The following MYO1E variants were observed in gnomAD, a reference collection of about 807,000 sequenced individuals.
MYO1E encodes the protein myosin IE, also known as unconventional myosin-Ie.
A neutral mutation model predicts 151.1 loss-of-function variants in MYO1E; 68 were observed. The ratio of observed to expected loss-of-function variants is 0.45; its 90% CI spans 0.37 to 0.55. The LOEUF is 0.55. Among genes scored for constraint, MYO1E ranks in the 20% least tolerant of loss-of-function variants. The probability of loss-of-function intolerance (pLI) is 0.00; values close to 1 mark genes in which losing one functional copy is unlikely to be tolerated. For synonymous variants in MYO1E, 601 were observed against 501.7 expected (o/e 1.20, Z -2.64); for missense variants, 1,363 against 1,389.3 (o/e 0.98, Z 0.30).
chr15:59,262,614 G>A (rs140302369), intron 2 of MYO1E, among the ~76,000 whole-genome samples: 43 of 152,240 alleles, frequency 2.8e-4, no homozygotes, highest in South Asian at 4.2e-4. Context: ...TCACGTCACC[G>A]CATTCCAGCC....
At chr15:59,281,141 A>G (rs1234346721) in intron 1 of MYO1E, among the ~76,000 whole-genome samples, 2 of 152,206 alleles carry the variant, frequency 1.3e-5, no homozygotes, top group Non-Finnish European at 1.5e-5. Flanking sequence ...TATCTCTTTC[A>G]GCCTACAGGT....
intron 1 of MYO1E, among the ~76,000 whole-genome samples, chr15:59,311,144 G>A (rs944147588): frequency 4.6e-5 from 7 of 152,038 alleles, no homozygotes; most frequent in Non-Finnish European, 7.4e-5. Context: ...CCATCATAAC[G>A]AGCAAAACCA....
chr15:59,152,628 T>C (rs1293356437), intron 26 of MYO1E, among the ~76,000 whole-genome samples: 1 of 152,212 alleles, frequency 6.6e-6, no homozygotes, highest in Non-Finnish European at 1.5e-5. Flanking sequence ...CCAAGTACCA[T>C]GCTAGAGATT....
chr15:59,296,839 C>CTTT (rs10717328), intron 1 of MYO1E, among the ~76,000 whole-genome samples: 3 of 125,524 alleles, frequency 2.4e-5, no homozygotes, highest in Non-Finnish European at 3.3e-5. Context: ...ATACTTTTTT[C>CTTT]TTTTTTTTTT....
At chr15:59,261,287 CAAT>C (rs1407157960) in intron 3 of MYO1E, 130 bp downstream of exon 3, 81 of 453,828 alleles carry the variant, frequency 1.8e-4, no homozygotes, top group Non-Finnish European at 1.6e-5. Context: ...AAAAATCAAA[CAAT>C]GTCACTCAAG....
chr15:59,255,686 C>T (rs937212536), intron 4 of MYO1E, among the ~76,000 whole-genome samples: 7 of 152,104 alleles, frequency 4.6e-5, no homozygotes, highest in African/African-American at 1.2e-4. Flanking sequence ...CTAACACAAA[C>T]GATAGCTGAA....
intron 3 of MYO1E, 136 bp downstream of exon 3, chr15:59,261,284 A>G: frequency 2.2e-6 from 1 of 446,786 alleles, no homozygotes; most frequent in South Asian, 5.2e-5. Flanking sequence ...ATTAAAAATC[A>G]AACAATGTCA....
In MYO1E at chr15:59,224,457, T is replaced by C. The variant is rs534434050; in HGVS notation, c.777+232A>G. 4.6e-5 allele frequency among the ~76,000 whole-genome samples: 7 copies of C among 152,342 alleles called. No individual in the cohort carries two copies. The South Asian group carries it at 1.4e-3, about 32-fold the overall frequency. On this transcript the variant is annotated intron_variant, in intron 8 of 27. Transcript: ENST00000288235. The stretch of plus-strand genomic sequence containing the variant: ...ATTTATCAGAGCTCCTGCAGGGTGA[T>C]AATGATGAATTCATTTCTTTTTACC...
At chr15:59,329,116 G>C (rs2080683740) in intron 1 of MYO1E, among the ~76,000 whole-genome samples, 2 of 152,148 alleles carry the variant, frequency 1.3e-5, no homozygotes, top group Admixed American at 1.3e-4. Flanking sequence ...AATTAACATT[G>C]ACTGAATGCT....
At chr15:59,332,714 AT>A (rs1279082983) in intron 1 of MYO1E, among the ~76,000 whole-genome samples, 50 of 147,030 alleles carry the variant, frequency 3.4e-4, no homozygotes, top group Non-Finnish European at 3.8e-4. Context: ...CTGGCGCTCT[AT>A]TTTTTTTTTT....
rs118148394 is a variant in MYO1E at position 59,300,366 on chromosome 15, C to T, written c.4-27917G>A. On this transcript the variant is annotated intron_variant, in intron 1 of 27. Transcript: ENST00000288235. ...TCTGGTGCACACAGGCACACACACA[C>T]GGCCATTTCTGGTGTGCACACACAC... 1.7e-3 allele frequency among the ~76,000 whole-genome samples: 252 copies of T among 152,216 alleles called. 1 individual carries two copies. The highest frequency in any genetic ancestry group is 6.9e-3 in the Admixed American group (105 of 15,288).
At chr15:59,221,645 A>G (rs1165328059) in intron 9 of MYO1E, among the ~76,000 whole-genome samples, 1 of 152,110 alleles carries the variant, frequency 6.6e-6, no homozygotes, top group African/African-American at 2.4e-5. Context: ...TCCAATCTCC[A>G]TGCCTCCATC....
At position 59,230,093 on chromosome 15, in the gene MYO1E, C is replaced by T. The variant is rs188989023; in HGVS notation, c.510+1609G>A. Among the ~76,000 whole-genome samples the T allele has an allele frequency of 6.6e-5, 10 of 152,146 alleles. No homozygotes were observed. The East Asian group carries it at 7.7e-4, about 12-fold the overall frequency. ...GAATGTGTCAGTTCTCAACCAATAG[C>T]GTGTTTTCTCGATTATTATCAATCA... is the stretch of plus-strand genomic sequence containing the variant. On this transcript the variant is annotated intron_variant, in intron 6 of 27. Coordinates refer to ENST00000288235, the MANE Select transcript of MYO1E (RefSeq NM_004998.4).
At chr15:59,238,699 G>A (rs1298337386) in intron 4 of MYO1E, among the ~76,000 whole-genome samples, 1 of 151,898 alleles carries the variant, frequency 6.6e-6, no homozygotes, top group African/African-American at 2.4e-5. Context: ...AGCCTCCCAA[G>A]TATCTGGGAT....
At chr15:59,142,228 A>G (rs1488092749) in intron 26 of MYO1E, among the ~76,000 whole-genome samples, 1 of 152,206 alleles carries the variant, frequency 6.6e-6, no homozygotes, top group Non-Finnish European at 1.5e-5. Flanking sequence ...ACCCATGGGC[A>G]CAGCGGGCCA....
intron 18 of MYO1E, among the ~76,000 whole-genome samples, chr15:59,179,475 T>C (rs186495170): frequency 1.3e-4 from 20 of 152,284 alleles, no homozygotes; most frequent in Non-Finnish European, 2.9e-4. Context: ...ACAGCAGTCA[T>C]AATGAACATT....
chr15:59,359,018 G>A (rs1000590058), intron 1 of MYO1E, among the ~76,000 whole-genome samples: 4 of 152,026 alleles, frequency 2.6e-5, no homozygotes, highest in Non-Finnish European at 5.9e-5. Flanking sequence ...TTTTTCCCAG[G>A]AAAAAATTCA....
chr15:59,294,266 G>A (rs893330922), intron 1 of MYO1E, among the ~76,000 whole-genome samples: 39 of 152,130 alleles, frequency 2.6e-4, no homozygotes, highest in Non-Finnish European at 4.1e-4. Context: ...GCCCCTTAGA[G>A]GTCTCTCGGA....
intron 18 of MYO1E, among the ~76,000 whole-genome samples, chr15:59,183,805 A>T: frequency 6.6e-6 from 1 of 152,012 alleles, no homozygotes; most frequent in East Asian, 1.9e-4. Context: ...GTATGCATTA[A>T]CCATCTGCAC....
Sources: gnomAD v4.1 joint callset for allele counts (sites outside exome capture counted in the v4.1 genomes callset) on GRCh38, gnomAD v4.1.1 for gene constraint, MANE v1.5 for transcripts, NCBI Gene and HGNC (gene_info 2026-07-23, HGNC 2026-07-21) for gene names.